The following MRPL48 variants were observed in gnomAD, a reference collection of about 807,000 sequenced individuals.
MRPL48 encodes the protein mitochondrial ribosomal protein L48, also known as large ribosomal subunit protein mL48.
Under a neutral mutation model 32.9 loss-of-function variants are expected in MRPL48, and 16 were observed. The ratio of observed to expected loss-of-function variants is 0.49; its 90% CI spans 0.33 to 0.74. The LOEUF is 0.74. Ranked by LOEUF, MRPL48 falls within the 30% of genes least tolerant of loss-of-function variation. The pLI, the probability that MRPL48 is intolerant of heterozygous loss-of-function variation, is 0.02. For missense variants in MRPL48, 206 were observed against 245.3 expected (o/e 0.84, Z 1.07); for synonymous variants, 94 against 89.2 (o/e 1.05, Z -0.31).
chr11:73,810,387 G>A (rs1947542549), intron 3 of MRPL48, among the ~76,000 whole-genome samples: 5 of 152,124 alleles, frequency 3.3e-5, no homozygotes, highest in Admixed American at 3.3e-4. Context: ...CGGGCATGGT[G>A]GAGCATGCCT....
chr11:73,788,047 G>A (rs1270176616), intron 1 of MRPL48, 55 bp downstream of exon 1: 12 of 1,592,292 alleles, frequency 7.5e-6, no homozygotes, highest in East Asian at 4.5e-5. Context: ...GGTGCAGAGA[G>A]GGGAGATGGC....
intron 3 of MRPL48, among the ~76,000 whole-genome samples, chr11:73,823,655 T>TG (rs1947825554): frequency 2.0e-5 from 1 of 49,740 alleles, no homozygotes; most frequent in Non-Finnish European, 3.7e-5. Context: ...TTCTTTTCTG[T>TG]TTTTTTTTTT....
At chr11:73,815,587 C>T (rs1377386012) in intron 3 of MRPL48, among the ~76,000 whole-genome samples, 1 of 152,076 alleles carries the variant, frequency 6.6e-6, no homozygotes, top group African/African-American at 2.4e-5. Context: ...CTCCTAGGTT[C>T]AAGGGATCCT....
chr11:73,841,443 T>C (rs775279778), intron 4 of MRPL48, among the ~76,000 whole-genome samples: 18 of 152,230 alleles, frequency 1.2e-4, no homozygotes, highest in Non-Finnish European at 2.2e-4. Flanking sequence ...ATTCATACAG[T>C]GGACTAGTAG....
chr11:73,794,245 GAATA>G (rs1450959501), intron 1 of MRPL48, among the ~76,000 whole-genome samples: 3 of 144,166 alleles, frequency 2.1e-5, no homozygotes, highest in Non-Finnish European at 3.1e-5. Context: ...ATCTGTCTCT[GAATA>G]AATAAATAAA....
At position 73,807,746 on chromosome 11, in the gene MRPL48, T is replaced by C. The variant is rs976748710; in HGVS notation, c.75-567T>C. Among the ~76,000 whole-genome samples the C allele has an allele frequency of 4.7e-5, 7 of 150,472 alleles. No individual in the cohort carries two copies. The East Asian group carries it at 1.4e-3, about 30-fold the overall frequency. On this transcript the variant is annotated intron_variant, in intron 2 of 7. Coordinates refer to ENST00000310614, the MANE Select transcript of MRPL48 (RefSeq NM_016055.6). ...TCCGCCTCCCAAGTTCAGGTGATTC[T>C]CCTGCCTCAGCCTCCCGATTAGCTG...
intron 1 of MRPL48, among the ~76,000 whole-genome samples, chr11:73,797,330 T>C (rs933380000): frequency 1.1e-4 from 17 of 152,248 alleles, no homozygotes; most frequent in African/African-American, 3.9e-4. Flanking sequence ...ACTTGGGACC[T>C]GTTTAATGGC....
chr11:73,791,366 C>T (rs191357438), intron 1 of MRPL48, among the ~76,000 whole-genome samples: 1 of 152,144 alleles, frequency 6.6e-6, no homozygotes, highest in East Asian at 1.9e-4. Context: ...ATAATTTGTG[C>T]ATCTGCTTTC....
At chr11:73,810,608 G>A (rs1176024918) in intron 3 of MRPL48, among the ~76,000 whole-genome samples, 2 of 148,490 alleles carry the variant, frequency 1.3e-5, no homozygotes, top group Admixed American at 6.8e-5. Flanking sequence ...TGTGCAGAAC[G>A]TGCAGTTTTG....
At chr11:73,800,582 C>G (rs1590934607) in intron 1 of MRPL48, among the ~76,000 whole-genome samples, 1 of 152,116 alleles carries the variant, frequency 6.6e-6, no homozygotes, top group Non-Finnish European at 1.5e-5. Flanking sequence ...CATTCATTCG[C>G]TGGCGTCACC....
At chr11:73,815,336 C>T (rs1003121417) in intron 3 of MRPL48, among the ~76,000 whole-genome samples, 1 of 152,092 alleles carries the variant, frequency 6.6e-6, no homozygotes, top group Non-Finnish European at 1.5e-5. Flanking sequence ...ATAGCTTGAA[C>T]CTGGGAGGCG....
chr11:73,795,875 A>G (rs1947246419), intron 1 of MRPL48, among the ~76,000 whole-genome samples: 1 of 152,148 alleles, frequency 6.6e-6, no homozygotes, highest in South Asian at 2.1e-4. Context: ...TGTTACCACT[A>G]TTTAATTCCT....
chr11:73,844,950 C>T lies in MRPL48; in HGVS notation c.345C>T (p.Asn115=). ...SYAQYVHNLC[N]SLSIKVEESY... ...CCCAGTATGTTCACAACCTCTGCAA[C>T]TCTCTCTCCATTAAAGTCGAGGAAA... Residue 115 remains asparagine, a synonymous_variant, in exon 5 of 8, where the codon AAC becomes AAT. Coordinates refer to ENST00000310614, the MANE Select transcript of MRPL48 (RefSeq NM_016055.6). The T allele has an allele frequency of 6.2e-7, 1 of 1,610,652 alleles. No homozygotes were observed. The highest frequency in any genetic ancestry group is 1.7e-5 in the Admixed American group (1 of 59,840).
chr11:73,801,629 A>G (rs542611256), intron 1 of MRPL48, among the ~76,000 whole-genome samples: 19 of 152,250 alleles, frequency 1.2e-4, no homozygotes, highest in Admixed American at 1.1e-3. Context: ...AAGCACTAAC[A>G]TCTTCATTTA....
intron 5 of MRPL48, among the ~76,000 whole-genome samples, chr11:73,853,534 GTTTC>G (rs1948435174): frequency 6.6e-6 from 1 of 151,912 alleles, no homozygotes; most frequent in East Asian, 1.9e-4. Context: ...AATTTTTTCT[GTTTC>G]TTTGAGCTCT....
chr11:73,853,816 G>A (rs1276945988), intron 5 of MRPL48, among the ~76,000 whole-genome samples: 1 of 147,380 alleles, frequency 6.8e-6, no homozygotes, highest in Non-Finnish European at 1.5e-5. Flanking sequence ...TCAGCCTCCC[G>A]AGTAGCTGGG....
intron 1 of MRPL48, among the ~76,000 whole-genome samples, chr11:73,800,647 G>A (rs185010117): frequency 6.6e-6 from 1 of 152,162 alleles, no homozygotes; most frequent in East Asian, 1.9e-4. Flanking sequence ...TGATGGGGAG[G>A]AGAGGGTAAT....
chr11:73,804,765 A>C (rs915479437), intron 1 of MRPL48, among the ~76,000 whole-genome samples: 1 of 152,202 alleles, frequency 6.6e-6, no homozygotes, highest in Non-Finnish European at 1.5e-5. Context: ...AAATAGATTA[A>C]GTTGGAAATG....
intron 4 of MRPL48, chr11:73,843,221 CTTTTTTTT>C (rs543502031): frequency 2.9e-5 from 4 of 136,932 alleles, no homozygotes; most frequent in Non-Finnish European, 4.8e-5. Context: ...TTTGTTTTAA[CTTTTTTTT>C]TTTTTTTTTC....
Sources: allele counts gnomAD v4.1 joint callset (sites outside exome capture counted in the v4.1 genomes callset), GRCh38; gene constraint gnomAD v4.1.1; transcripts MANE v1.5; gene names NCBI Gene and HGNC (gene_info 2026-07-23, HGNC 2026-07-21).